The following GRM8 variants were observed in gnomAD, a reference collection of about 807,000 sequenced individuals.
GRM8 encodes glutamate metabotropic receptor 8, also known as metabotropic glutamate receptor 8.
A neutral mutation model predicts 87.2 loss-of-function variants in GRM8; 47 were observed. The ratio of observed to expected loss-of-function variants is 0.54; its 90% confidence interval spans 0.43 to 0.69. GRM8 has a LOEUF of 0.69. Among genes scored for constraint, GRM8 ranks in the 30% least tolerant of loss-of-function variants. The pLI is 0.00. For synonymous variants in GRM8, 396 were observed against 404.5 expected, an observed-to-expected ratio of 0.98 and a Z score of 0.25; for missense variants, 1,019 against 1,139.2, an observed-to-expected ratio of 0.89 and a Z score of 1.52.
chr7:127,154,398 A>T lies in GRM8; in HGVS notation c.511-47686T>A, dbSNP rs561226117. Among the ~76,000 whole-genome samples, 4 of 152,048 alleles carry T rather than the reference A, an allele frequency of 2.6e-5. No individual in the cohort carries two copies. The South Asian group carries it at 8.3e-4, about 32-fold the overall frequency. On this transcript the variant is annotated intron_variant, in intron 2 of 10. Transcript: ENST00000339582. ...TTGTAAGTCCCAAGCTTTGTAAGTG[A>T]TGTTCTCTCTCACTGGAGTCCTTTC... is the stretch of plus-strand genomic sequence containing the variant.
At chr7:126,469,024 T>C (rs1804836674) in intron 9 of GRM8, among the ~76,000 whole-genome samples, 1 of 152,094 alleles carries the variant, frequency 6.6e-6, no homozygotes. Context: ...ATCTACTGAC[T>C]CCTTTAATCT....
chr7:127,099,951 G>A (rs575255063), intron 3 of GRM8, among the ~76,000 whole-genome samples: 5 of 152,256 alleles, frequency 3.3e-5, no homozygotes, highest in African/African-American at 9.6e-5. Context: ...TATAAGAAGA[G>A]AAGACACAGA....
intron 3 of GRM8, among the ~76,000 whole-genome samples, chr7:126,984,506 T>C (rs1283978910): frequency 6.6e-6 from 1 of 152,190 alleles, no homozygotes; most frequent in East Asian, 1.9e-4. Context: ...AGCCTATATC[T>C]TTCTCCCGTG....
intron 7 of GRM8, among the ~76,000 whole-genome samples, chr7:126,661,525 T>C (rs1029762806): frequency 1.3e-5 from 2 of 152,124 alleles, no homozygotes; most frequent in Non-Finnish European, 2.9e-5. Flanking sequence ...ACTCCACTCA[T>C]TACAGGATGG....
At chr7:126,443,943 G>T (rs912881877) in intron 10 of GRM8, among the ~76,000 whole-genome samples, 4 of 151,816 alleles carry the variant, frequency 2.6e-5, no homozygotes, top group African/African-American at 9.7e-5. Flanking sequence ...TTTTAAAGTG[G>T]TGAAAAAGTT....
intron 6 of GRM8, among the ~76,000 whole-genome samples, chr7:126,875,231 A>G (rs1799434913): frequency 6.6e-6 from 1 of 152,000 alleles, no homozygotes; most frequent in African/African-American, 2.4e-5. Context: ...CAAGGAAGAG[A>G]TATCAAATGT....
At chr7:126,822,889 C>T (rs1406216580) in intron 6 of GRM8, among the ~76,000 whole-genome samples, 4 of 152,210 alleles carry the variant, frequency 2.6e-5, no homozygotes, top group Admixed American at 2.6e-4. Flanking sequence ...ATGCCTTCAA[C>T]ACATTTCTGT....
rs536291684 is a variant in GRM8, at chr7:126,992,829, ATG to A, written c.728-88148_728-88147del. On this transcript the variant is annotated intron_variant, in intron 3 of 10. Coordinates refer to ENST00000339582, the MANE Select transcript of GRM8 (RefSeq NM_000845.3). Reference sequence around the variant, plus strand: ...TCCGTGTGTGTGTGTGTGTGTGTGTATGTGTGTGTGTGTGTGTGTGTGTGTAC... The same window carrying A: ...TCCGTGTGTGTGTGTGTGTGTGTGTATGTGTGTGTGTGTGTGTGTGTGTAC... Among the ~76,000 whole-genome samples the A allele has an allele frequency of 8.2e-3, 1,118 of 136,150 alleles. 5 individuals carry two copies. The highest frequency in any genetic ancestry group is 0.015 in the African/African-American group (562 of 37,466). 89.3% of individuals were successfully genotyped at this position (136,150 alleles called of 152,430 possible). A position where few individuals can be genotyped will look rare whatever the true frequency, so the allele number is the denominator to read the frequency against.
chr7:126,559,826 GAATAGTGAGTTTACTGCCTTTGAAACTC>G (rs376620184), intron 8 of GRM8, among the ~76,000 whole-genome samples: 1,854 of 152,258 alleles, frequency 0.012, 39 homozygotes, highest in African/African-American at 0.042. Flanking sequence ...CTCGATGTAA[GAATAGTGAGTTTACTGCCTTTGAAACTC>G]ACCCATGTCT....
At chr7:126,657,444 C>G (rs1482950970) in intron 7 of GRM8, among the ~76,000 whole-genome samples, 1 of 152,122 alleles carries the variant, frequency 6.6e-6, no homozygotes, top group African/African-American at 2.4e-5. Context: ...ACATACAATT[C>G]CAATTTACAA....
chr7:126,701,779 G>T, intron 7 of GRM8: 2 of 1,285,306 alleles, frequency 1.6e-6, no homozygotes, highest in Non-Finnish European at 2.1e-6. Flanking sequence ...AAATGAAGGA[G>T]TAAAAAGAGT....
intron 6 of GRM8, among the ~76,000 whole-genome samples, chr7:126,790,197 A>AG (rs1191470948): frequency 6.6e-6 from 1 of 152,032 alleles, no homozygotes; most frequent in Non-Finnish European, 1.5e-5. Flanking sequence ...TAGTAGAAAC[A>AG]GGGTTTCACC....
chr7:126,835,398 G>T (rs1224721616), intron 6 of GRM8, among the ~76,000 whole-genome samples: 5 of 152,098 alleles, frequency 3.3e-5, no homozygotes, highest in African/African-American at 4.8e-5. Flanking sequence ...AACTGAAATT[G>T]CCTGTGTCAA....
chr7:126,651,422 C>A (rs371498559), intron 7 of GRM8, among the ~76,000 whole-genome samples: 1 of 152,134 alleles, frequency 6.6e-6, no homozygotes, highest in Non-Finnish European at 1.5e-5. Flanking sequence ...TCTGAATCGG[C>A]GTCCTATATA....
chr7:126,630,463 A>G (rs4562238), intron 7 of GRM8, among the ~76,000 whole-genome samples: 46,771 of 152,024 alleles, frequency 0.31, 8,060 homozygotes, highest in East Asian at 0.43. Context: ...TACAAAGAAG[A>G]GCTGGTACCA....
At chr7:126,655,543 G>A (rs139137498) in intron 7 of GRM8, among the ~76,000 whole-genome samples, 8 of 151,676 alleles carry the variant, frequency 5.3e-5, no homozygotes, top group Middle Eastern at 3.4e-3. Context: ...GTGTTAAAAC[G>A]GACTAATAAA....
At chr7:127,031,048 G>A (rs1054670447) in intron 3 of GRM8, among the ~76,000 whole-genome samples, 1 of 152,022 alleles carries the variant, frequency 6.6e-6, no homozygotes, top group Non-Finnish European at 1.5e-5. Context: ...ATTAGGTTTG[G>A]GGCATTTGTT....
chr7:127,212,477 G>T (rs1796275561), intron 2 of GRM8, among the ~76,000 whole-genome samples: 1 of 144,524 alleles, frequency 6.9e-6, no homozygotes, highest in South Asian at 2.2e-4. Flanking sequence ...GAGTGCAGTG[G>T]CGGGATCTCG....
intron 9 of GRM8, among the ~76,000 whole-genome samples, chr7:126,489,211 A>G (rs1807715868): frequency 6.6e-6 from 1 of 151,906 alleles, no homozygotes; most frequent in Non-Finnish European, 1.5e-5. Flanking sequence ...TGATATTTAA[A>G]TGACGTATTT....
Sources: allele counts gnomAD v4.1 joint callset (sites outside exome capture counted in the v4.1 genomes callset), GRCh38; gene constraint gnomAD v4.1.1; transcripts MANE v1.5; gene names NCBI Gene and HGNC (gene_info 2026-07-23, HGNC 2026-07-21).